The following CHKA variants were observed in gnomAD, a reference collection of about 807,000 sequenced individuals.
CHKA encodes CHETK-alpha.
A neutral mutation model predicts 60.1 loss-of-function variants in CHKA; 34 were observed. The observed-to-expected ratio is 0.57, with a 90% CI of 0.43 to 0.75. The LOEUF is 0.75. Ranked by LOEUF, CHKA falls within the 30% of genes least tolerant of loss-of-function variation. CHKA has a pLI of 0.00. For missense variants in CHKA, 563 were observed against 561.3 expected (o/e 1.00, Z -0.03); for synonymous variants, 217 against 223.1 (o/e 0.97, Z 0.24).
intron 11 of CHKA, among the ~76,000 whole-genome samples, chr11:68,055,400 GACAA>G (rs1855975526): frequency 6.6e-6 from 1 of 152,130 alleles, no homozygotes; most frequent in Non-Finnish European, 1.5e-5. Flanking sequence ...CTCAAAAACA[GACAA>G]ACAAATGAAG....
chr11:68,069,872 C>T (rs1284997998), intron 6 of CHKA, among the ~76,000 whole-genome samples: 1 of 152,118 alleles, frequency 6.6e-6, no homozygotes, highest in South Asian at 2.1e-4. Context: ...TGCCCTTACT[C>T]CCTTCTCCCC....
Position 68,121,182 on chromosome 11 carries a change from G to C in CHKA, c.-5C>G. Reference sequence around the variant, plus strand: ...GGTGCAGAATTTGGTTTTCATGCCCGACAGGCGGCCGAGGAGGCGCGGGCG... The same window carrying C: ...GGTGCAGAATTTGGTTTTCATGCCCCACAGGCGGCCGAGGAGGCGCGGGCG... On this transcript the variant is annotated 5_prime_UTR_variant, in exon 1 of 12. Coordinates refer to ENST00000265689, the MANE Select transcript of CHKA (RefSeq NM_001277.3). 2 of 1,180,224 alleles carry C rather than the reference G, an allele frequency of 1.7e-6. No individual in the cohort carries two copies. The highest frequency in any genetic ancestry group is 1.1e-6 in the Non-Finnish European group (1 of 949,984). The allele number at this position is 1,180,224 out of a possible 1,614,324, so 73.1% of individuals were successfully genotyped here.
rs1298877044 is a variant in CHKA, at chr11:68,121,157, G to A, written c.21C>T (p.Thr7=). The A allele has an allele frequency of 9.1e-6, 11 of 1,207,760 alleles. No homozygotes were observed. Among genetic ancestry groups the A allele is most frequent in the East Asian group, 4.5e-5 (1 of 22,140 alleles). 74.8% of individuals were successfully genotyped at this position (1,207,760 alleles called of 1,614,324 possible). A position where few individuals can be genotyped will look rare whatever the true frequency, so the allele number is the denominator to read the frequency against. The change falls in exon 1 of 12, where the codon ACC becomes ACT. Residue 7 remains threonine, a synonymous_variant. Coordinates refer to ENST00000265689, the MANE Select transcript of CHKA (RefSeq NM_001277.3). ...GCGGCGAGGGCTCCGCCTCGCCCCC[G>A]GTGCAGAATTTGGTTTTCATGCCCG... MKTKFC[T]GGEAEPSPLG... is the part of the protein sequence containing the mutation.
chr11:68,116,725 A>AC (rs1205506453), intron 1 of CHKA, among the ~76,000 whole-genome samples: 1 of 152,030 alleles, frequency 6.6e-6, no homozygotes, highest in African/African-American at 2.4e-5. Flanking sequence ...AAAAAAAAAA[A>AC]AAGAAAGAAA....
intron 2 of CHKA, among the ~76,000 whole-genome samples, chr11:68,090,520 G>A (rs1012561543): frequency 6.6e-6 from 1 of 152,152 alleles, no homozygotes; most frequent in African/African-American, 2.4e-5. Flanking sequence ...GTAGCTGGTA[G>A]TTTAATATTA....
chr11:68,105,514 C>CAAAAAAAAAAA (rs1170085830), intron 1 of CHKA, among the ~76,000 whole-genome samples: 111 of 64,914 alleles, frequency 1.7e-3, no homozygotes, highest in Non-Finnish European at 2.3e-3. Context: ...GACTCCATCT[C>CAAAAAAAAAAA]AAAAAAAAAA....
intron 4 of CHKA, among the ~76,000 whole-genome samples, chr11:68,073,024 A>C (rs1856672565): frequency 6.6e-6 from 1 of 152,194 alleles, no homozygotes; most frequent in African/African-American, 2.4e-5. Flanking sequence ...TAAACAATAC[A>C]TACAAGAGCA....
rs575552565 is a variant in CHKA, at chr11:68,054,134, A to G, written c.1315-87T>C. 32 of 1,164,952 alleles carry G rather than the reference A, an allele frequency of 2.7e-5. No individual in the cohort carries two copies. In the African/African-American group the frequency reaches 4.3e-4, roughly 15 times the overall value. The allele number at this position is 1,164,952 out of a possible 1,614,324, so 72.2% of individuals were successfully genotyped here. On this transcript the variant is annotated intron_variant, in intron 11 of 11. Transcript: ENST00000265689. ...TGTCCCCCAATCCCCACCCCAGGCAAGAGCTGAGGGCACGGACCCATGAGA... is the reference window on the plus strand; with the variant it reads ...TGTCCCCCAATCCCCACCCCAGGCAGGAGCTGAGGGCACGGACCCATGAGA...
At position 68,068,780 on chromosome 11, in the gene CHKA, A is replaced by C. The variant is rs767338221; in HGVS notation, c.928+99T>G. On this transcript the variant is annotated intron_variant, in intron 7 of 11. Coordinates refer to ENST00000265689, the MANE Select transcript of CHKA (RefSeq NM_001277.3). ...GGTTGTATCATACTTTAATGTACCTAATACTCTTGATGCTACCTTACATTT... is the reference window on the plus strand; with the variant it reads ...GGTTGTATCATACTTTAATGTACCTCATACTCTTGATGCTACCTTACATTT... The C allele has an allele frequency of 8.9e-5, 68 of 761,478 alleles. 1 individual carries two copies. The Middle Eastern group carries it at 9.2e-4, about 10-fold the overall frequency. 47.2% of individuals were successfully genotyped at this position (761,478 alleles called of 1,614,324 possible). A position where few individuals can be genotyped will look rare whatever the true frequency, so the allele number is the denominator to read the frequency against.
At chr11:68,091,333 AAC>A (rs1470347314) in intron 2 of CHKA, among the ~76,000 whole-genome samples, 1 of 152,246 alleles carries the variant, frequency 6.6e-6, no homozygotes, top group Non-Finnish European at 1.5e-5. Flanking sequence ...GTCTATGTAA[AAC>A]AGACGCTAAA....
chr11:68,094,316 T>C (rs2134647665), intron 2 of CHKA, among the ~76,000 whole-genome samples: 1 of 152,060 alleles, frequency 6.6e-6, no homozygotes, highest in Non-Finnish European at 1.5e-5. Context: ...ACTAGACGGG[T>C]GCATCACTTA....
chr11:68,095,420 A>AT (rs1407727658), intron 2 of CHKA, among the ~76,000 whole-genome samples: 1 of 132,658 alleles, frequency 7.5e-6, no homozygotes, highest in East Asian at 2.2e-4. Context: ...AAAAAAAAAA[A>AT]AAAAAAAAAG....
chr11:68,102,056 C>T lies in CHKA; in HGVS notation c.351-4926G>A, dbSNP rs547444121. On this transcript the variant is annotated intron_variant, in intron 1 of 11. Coordinates refer to ENST00000265689, the MANE Select transcript of CHKA (RefSeq NM_001277.3). ...CGGAGGTGGCAGTGAGCCAAGATCA[C>T]GCCACTGCACTCCAGCCTGGGTGAC... Among the ~76,000 whole-genome samples, 48 of 150,766 alleles carry T rather than the reference C, an allele frequency of 3.2e-4. 1 individual carries two copies. In the South Asian group the frequency reaches 5.0e-3, roughly 16 times the overall value.
At chr11:68,079,433 C>A (rs1856903107) in intron 3 of CHKA, among the ~76,000 whole-genome samples, 1 of 151,504 alleles carries the variant, frequency 6.6e-6, no homozygotes, top group Non-Finnish European at 1.5e-5. Context: ...AGGTTCACGC[C>A]ATTCTCCTGC....
At chr11:68,081,251 C>T (rs1455144489) in intron 3 of CHKA, among the ~76,000 whole-genome samples, 153 bp downstream of exon 3, 1 of 152,182 alleles carries the variant, frequency 6.6e-6, no homozygotes, top group East Asian at 1.9e-4. Flanking sequence ...CGTAAGGTGG[C>T]TTCTGATAGA....
chr11:68,053,988 T>C lies in CHKA; in HGVS notation c.1374A>G (p.Ter458TrpextTer40), dbSNP rs1241169841. The change falls in exon 12 of 12, where the codon TGA (stop) becomes TGG (tryptophan). Residue 458 changes from the stop codon to tryptophan (W), a stop_lost. Transcript: ENST00000265689. ...GAGGTGGATGGAGTCCTCCCCACAG[T>C]CACACCCCAAGCTTCCTCTTCTGGT... ...YFHQKRKLGV* is the reference protein window; with the variant it reads ...YFHQKRKLGVW 1 of 1,613,286 alleles carries C rather than the reference T, an allele frequency of 6.2e-7. No individual in the cohort carries two copies.
Position 68,082,122 on chromosome 11 carries a change from T to G in CHKA, c.463-665A>C, listed in dbSNP as rs1469325126. The G allele has an allele frequency of 2.0e-5, 3 of 151,968 alleles. No individual in the cohort carries two copies. The East Asian group carries it at 5.8e-4, about 29-fold the overall frequency. 9.4% of individuals were successfully genotyped at this position (151,968 alleles called of 1,614,324 possible). On this transcript the variant is annotated intron_variant, in intron 2 of 11. Coordinates refer to ENST00000265689, the MANE Select transcript of CHKA (RefSeq NM_001277.3). Reference sequence around the variant, plus strand: ...ATATATTAAGAAATACTTATATCACTTTCCTCAATGAAATTGCAAATTTAT... The same window carrying G: ...ATATATTAAGAAATACTTATATCACGTTCCTCAATGAAATTGCAAATTTAT...
chr11:68,055,248 G>A (rs1399428720), intron 11 of CHKA, among the ~76,000 whole-genome samples: 1 of 152,136 alleles, frequency 6.6e-6, no homozygotes, highest in African/African-American at 2.4e-5. Flanking sequence ...AAATTAGCTG[G>A]GTGCGGTGGC....
chr11:68,083,612 G>A (rs1857058698), intron 2 of CHKA, among the ~76,000 whole-genome samples: 1 of 152,098 alleles, frequency 6.6e-6, no homozygotes. Context: ...GCAAAAGCAA[G>A]TTACTTCATC....
Sources: gnomAD v4.1 joint callset for allele counts (sites outside exome capture counted in the v4.1 genomes callset) on GRCh38, gnomAD v4.1.1 for gene constraint, MANE v1.5 for transcripts, NCBI Gene and HGNC (gene_info 2026-07-23, HGNC 2026-07-21) for gene names.